The following DCUN1D4 variants were observed in gnomAD, a reference collection of about 807,000 sequenced individuals.
DCUN1D4 encodes the protein DCN1-like protein 4.
A neutral mutation model predicts 47.9 loss-of-function variants in DCUN1D4; 22 were observed. That is an observed-to-expected ratio of 0.46 (90% CI 0.33 to 0.66). DCUN1D4 has a LOEUF of 0.66. Among genes scored for constraint, DCUN1D4 ranks in the 30% least tolerant of loss-of-function variants. The pLI is 0.02. For missense variants in DCUN1D4, 301 were observed against 340.8 expected (o/e 0.88, Z 0.92); for synonymous variants, 121 against 112.2 (o/e 1.08, Z -0.50).
intron 8 of DCUN1D4, among the ~76,000 whole-genome samples, chr4:51,905,737 A>G (rs1380578714): frequency 6.6e-6 from 1 of 152,148 alleles, no homozygotes; most frequent in East Asian, 1.9e-4. Flanking sequence ...AGGCTGGCGC[A>G]TGGGATTTGG....
chr4:51,897,492 T>C (rs1578018646), intron 7 of DCUN1D4, among the ~76,000 whole-genome samples: 2 of 152,252 alleles, frequency 1.3e-5, no homozygotes, highest in African/African-American at 2.4e-5. Flanking sequence ...TATTCAGTGT[T>C]GAAAATCTTT....
At chr4:51,886,246 G>GA (rs1729460587) in intron 5 of DCUN1D4, among the ~76,000 whole-genome samples, 1 of 152,000 alleles carries the variant, frequency 6.6e-6, no homozygotes, top group South Asian at 2.1e-4. Flanking sequence ...TTTATGTATT[G>GA]AAATTATTAC....
intron 4 of DCUN1D4, among the ~76,000 whole-genome samples, chr4:51,875,779 A>G (rs1431814564): frequency 1.3e-5 from 2 of 152,218 alleles, no homozygotes; most frequent in African/African-American, 2.4e-5. Flanking sequence ...ATGAAATAGC[A>G]TATATCAGCA....
the DCUN1D4 span, among the ~76,000 whole-genome samples, chr4:51,836,053 T>C: frequency 6.6e-6 from 1 of 152,148 alleles, no homozygotes; most frequent in Non-Finnish European, 1.5e-5. Context: ...CAGGCTCAGA[T>C]GTCAACCAGA....
intron 8 of DCUN1D4, among the ~76,000 whole-genome samples, chr4:51,903,920 T>C (rs994686182): frequency 1.3e-5 from 2 of 152,176 alleles, no homozygotes; most frequent in African/African-American, 4.8e-5. Flanking sequence ...TTATAGTAGG[T>C]ATTTTTATAA....
intron 4 of DCUN1D4, 37 bp downstream of exon 4, chr4:51,874,422 C>T: frequency 6.7e-7 from 1 of 1,492,974 alleles, no homozygotes. Flanking sequence ...ATCAGTGATA[C>T]ATATGTCGAA....
chr4:51,910,953 G>A (rs763442451), intron 8 of DCUN1D4, 117 bp from the exon 9 acceptor site: 107 of 985,872 alleles, frequency 1.1e-4, no homozygotes, highest in Non-Finnish European at 2.1e-5. Flanking sequence ...GGGTCTTTAA[G>A]GTGTATGATA....
At chr4:51,880,851 C>G (rs1053533032) in intron 5 of DCUN1D4, among the ~76,000 whole-genome samples, 1 of 152,172 alleles carries the variant, frequency 6.6e-6, no homozygotes, top group African/African-American at 2.4e-5. Flanking sequence ...GACAACCAGG[C>G]TGGGCATGGT....
At chr4:51,835,838 T>G in the DCUN1D4 span, among the ~76,000 whole-genome samples, 8 of 152,150 alleles carry the variant, frequency 5.3e-5, no homozygotes, top group Non-Finnish European at 1.0e-4. Flanking sequence ...GAGCTGGAAT[T>G]GGGTAAAATT....
chr4:51,912,052 T>C (rs1478508912), intron 9 of DCUN1D4, among the ~76,000 whole-genome samples: 2 of 152,160 alleles, frequency 1.3e-5, no homozygotes, highest in African/African-American at 2.4e-5. Context: ...AGAACTGTTA[T>C]TAAAAATTTC....
the DCUN1D4 span, among the ~76,000 whole-genome samples, chr4:51,833,972 G>A: frequency 4.0e-5 from 6 of 150,820 alleles, no homozygotes; most frequent in African/African-American, 1.5e-4. Flanking sequence ...GGGAGATTTT[G>A]CAGAGTGGGA....
chr4:51,908,870 C>T (rs568116441), intron 8 of DCUN1D4: 2 of 456,088 alleles, frequency 4.4e-6, no homozygotes, highest in African/African-American at 4.0e-5. Flanking sequence ...AGTGAGATGC[C>T]ACTATTCAGA....
upstream of DCUN1D4, chr4:51,843,108 A>G: frequency 1.4e-6 from 2 of 1,456,434 alleles, no homozygotes; most frequent in Non-Finnish European, 1.8e-6. Flanking sequence ...TAGCCAATGG[A>G]GAAGGCGAGA....
At chr4:51,913,505 T>G in intron 10 of DCUN1D4, 24 bp from the exon 11 acceptor site, 2 of 1,603,596 alleles carry the variant, frequency 1.2e-6, no homozygotes, top group Non-Finnish European at 1.7e-6. Flanking sequence ...TTATTATTAC[T>G]ACTGTTTCTC....
chr4:51,854,330 T>A (rs747595312), intron 1 of DCUN1D4, among the ~76,000 whole-genome samples: 1 of 152,220 alleles, frequency 6.6e-6, no homozygotes, highest in Admixed American at 6.5e-5. Flanking sequence ...ATTTGAGATG[T>A]ACCTCATTTT....
intron 8 of DCUN1D4, among the ~76,000 whole-genome samples, chr4:51,905,661 A>G (rs1375740565): frequency 1.3e-5 from 2 of 152,180 alleles, no homozygotes; most frequent in African/African-American, 4.8e-5. Flanking sequence ...AGTTATAAAT[A>G]TCAGTCCATT....
intron 5 of DCUN1D4, among the ~76,000 whole-genome samples, chr4:51,883,337 C>T (rs933095525): frequency 1.3e-5 from 2 of 151,222 alleles, no homozygotes; most frequent in Non-Finnish European, 3.0e-5. Context: ...AGGCAAGTTT[C>T]TTTTTTTTTA....
At chr4:51,854,702 A>G (rs1448114729) in intron 1 of DCUN1D4, among the ~76,000 whole-genome samples, 1 of 152,246 alleles carries the variant, frequency 6.6e-6, no homozygotes, top group African/African-American at 2.4e-5. Flanking sequence ...CTTTGAGGTC[A>G]TGGAGTAACC....
At chr4:51,888,982 G>A (rs906033398) in intron 6 of DCUN1D4, among the ~76,000 whole-genome samples, 3 of 151,462 alleles carry the variant, frequency 2.0e-5, no homozygotes, top group Admixed American at 1.3e-4. Context: ...AGTGATGTGC[G>A]CTAGTAATCC....
Sources: gnomAD v4.1 joint callset for allele counts (sites outside exome capture counted in the v4.1 genomes callset) on GRCh38, gnomAD v4.1.1 for gene constraint, MANE v1.5 for transcripts, NCBI Gene and HGNC (gene_info 2026-07-23, HGNC 2026-07-21) for gene names.